NRG1: variants seen among roughly 807,000 people sequenced by gnomAD.
NRG1 encodes pro-neuregulin-1, membrane-bound isoform.
In NRG1, 18 loss-of-function variants were observed where a neutral mutation model predicts 63.8. That is an observed-to-expected ratio of 0.28 (90% CI 0.19 to 0.42). NRG1 has a LOEUF of 0.42. NRG1 is among the 10% of genes least tolerant of loss of function. NRG1 has a pLI of 1.00. For missense variants in NRG1, 762 were observed against 814.7 expected (o/e 0.94, Z 0.79); for synonymous variants, 302 against 301.3 (o/e 1.00, Z -0.02).
At chr8:31,783,165 A>G (rs1819852039) in intron 1 of NRG1, among the ~76,000 whole-genome samples, 1 of 152,194 alleles carries the variant, frequency 6.6e-6, no homozygotes, top group African/African-American at 2.4e-5. Flanking sequence ...GGATCAGTCC[A>G]AACAATGGTG....
chr8:31,820,877 TAGGTGTGA>T (rs1823938378), intron 1 of NRG1, among the ~76,000 whole-genome samples: 1 of 152,138 alleles, frequency 6.6e-6, no homozygotes, highest in African/African-American at 2.4e-5. Flanking sequence ...AAAATCAGGC[TAGGTGTGA>T]AACATGAGTG....
At chr8:31,854,598 T>A (rs1004852806) in intron 1 of NRG1, among the ~76,000 whole-genome samples, 109 of 152,262 alleles carry the variant, frequency 7.2e-4, no homozygotes, top group African/African-American at 2.5e-3. Flanking sequence ...GGGTTTTTTG[T>A]GTCTCTATTT....
intron 1 of NRG1, among the ~76,000 whole-genome samples, chr8:32,299,668 C>T (rs538751255): frequency 6.6e-6 from 1 of 152,236 alleles, no homozygotes; most frequent in South Asian, 2.1e-4. Context: ...GCTGGGGAGG[C>T]CTCACAATTA....
At chr8:31,978,557 T>C (rs1808569311) in intron 1 of NRG1, among the ~76,000 whole-genome samples, 4 of 152,288 alleles carry the variant, frequency 2.6e-5, no homozygotes, top group Admixed American at 2.0e-4. Flanking sequence ...CATTAATTCA[T>C]TTTGTGTGAG....
At chr8:32,260,655 G>T (rs1850260599) in intron 1 of NRG1, among the ~76,000 whole-genome samples, 1 of 152,064 alleles carries the variant, frequency 6.6e-6, no homozygotes, top group Non-Finnish European at 1.5e-5. Flanking sequence ...TCCTTCCAGG[G>T]CCCTGCCCCA....
At chr8:32,515,351 G>T (rs1207963271) in intron 1 of NRG1, among the ~76,000 whole-genome samples, 1 of 152,120 alleles carries the variant, frequency 6.6e-6, no homozygotes, top group East Asian at 1.9e-4. Flanking sequence ...TTTCTTTGAT[G>T]ATTAGTGATG....
At chr8:32,180,899 C>T (rs1191862562) in intron 1 of NRG1, among the ~76,000 whole-genome samples, 1 of 152,120 alleles carries the variant, frequency 6.6e-6, no homozygotes, top group Non-Finnish European at 1.5e-5. Flanking sequence ...AACATCTCTG[C>T]ATTTTCTCCT....
At chr8:32,274,379 C>A (rs114375880) in intron 1 of NRG1, among the ~76,000 whole-genome samples, 1 of 152,096 alleles carries the variant, frequency 6.6e-6, no homozygotes, top group Admixed American at 6.5e-5. Context: ...AGGGTAAGTA[C>A]GGGATAGGTG....
chr8:32,366,804 C>T (rs773104456), intron 1 of NRG1, among the ~76,000 whole-genome samples: 5 of 150,232 alleles, frequency 3.3e-5, no homozygotes, highest in African/African-American at 7.4e-5. Flanking sequence ...CTCCACCTCT[C>T]GGTTCAAGGG....
At chr8:32,114,433 G>A (rs1053776982) in intron 1 of NRG1, among the ~76,000 whole-genome samples, 1 of 152,060 alleles carries the variant, frequency 6.6e-6, no homozygotes, top group Non-Finnish European at 1.5e-5. Context: ...AGATAACTGT[G>A]TCTCCAGATG....
intron 1 of NRG1, among the ~76,000 whole-genome samples, chr8:31,741,611 A>G (rs1272743876): frequency 6.6e-6 from 1 of 152,056 alleles, no homozygotes. Flanking sequence ...GCCGATAAAC[A>G]TTAAAAGGTG....
chr8:32,614,584 C>G lies in NRG1; in HGVS notation c.451+20C>G, dbSNP rs201102706. The G allele has an allele frequency of 1.5e-4, 248 of 1,608,890 alleles. No homozygotes were observed. The highest frequency in any genetic ancestry group is 1.9e-4 in the Non-Finnish European group (225 of 1,176,142). On this transcript the variant is annotated intron_variant, in intron 4 of 11. Coordinates refer to ENST00000356819, the Ensembl canonical transcript of NRG1. ...CTTCAGGTAAGGAAAATAAGCCTGG[C>G]AAATTTTACTAACCAGAATGACAAC... is the stretch of plus-strand genomic sequence containing the variant.
At chr8:32,089,502 C>A (rs997417832) in intron 1 of NRG1, among the ~76,000 whole-genome samples, 1 of 152,034 alleles carries the variant, frequency 6.6e-6, no homozygotes, top group Non-Finnish European at 1.5e-5. Context: ...TTATTTCAAA[C>A]GGAAAATTTT....
At chr8:31,996,491 G>A (rs1363886729) in intron 1 of NRG1, among the ~76,000 whole-genome samples, 1 of 151,904 alleles carries the variant, frequency 6.6e-6, no homozygotes, top group Non-Finnish European at 1.5e-5. Flanking sequence ...CAACACTTTG[G>A]GAGGCTGAGA....
At position 32,473,625 on chromosome 8, in the gene NRG1, T is replaced by A. The variant is rs148867337; in HGVS notation, c.38-122203T>A. On this transcript the variant is annotated intron_variant, in intron 1 of 10. Coordinates refer to the NRG1 transcript ENST00000519301. ...AATGAGAAGTCTGACCTATGGTTTA[T>A]GATTTCCGCAGACTTAAATCAACCC... Among the ~76,000 whole-genome samples, 1,040 of 152,342 alleles carry A rather than the reference T, an allele frequency of 6.8e-3. 7 individuals carry two copies. Among genetic ancestry groups the A allele is most frequent in the South Asian group, 0.023 (112 of 4,828 alleles).
At chr8:31,977,772 T>C (rs1473655106) in intron 1 of NRG1, among the ~76,000 whole-genome samples, 2 of 152,142 alleles carry the variant, frequency 1.3e-5, no homozygotes, top group Admixed American at 1.3e-4. Flanking sequence ...GGTATCGATA[T>C]TCATCTCAAA....
At chr8:32,526,917 CTTCACTCTTCTG>C (rs776903639) in intron 1 of NRG1, among the ~76,000 whole-genome samples, 1 of 152,016 alleles carries the variant, frequency 6.6e-6, no homozygotes, top group Non-Finnish European at 1.5e-5. Flanking sequence ...ATTTGTAGCC[CTTCACTCTTCTG>C]TAATTGTACC....
At chr8:32,250,857 C>G (rs1041170595) in intron 1 of NRG1, among the ~76,000 whole-genome samples, 1 of 151,786 alleles carries the variant, frequency 6.6e-6, no homozygotes, top group Non-Finnish European at 1.5e-5. Context: ...AAAATTGAGA[C>G]AAATGATGAC....
At chr8:31,878,172 G>A (rs1448563620) in intron 1 of NRG1, among the ~76,000 whole-genome samples, 4 of 152,150 alleles carry the variant, frequency 2.6e-5, no homozygotes, top group African/African-American at 9.7e-5. Flanking sequence ...AATTATGGGT[G>A]CAGGCACCCA....
Sources: gnomAD v4.1 joint callset for allele counts (sites outside exome capture counted in the v4.1 genomes callset) on GRCh38, gnomAD v4.1.1 for gene constraint, MANE v1.5 for transcripts, NCBI Gene and HGNC (gene_info 2026-07-23, HGNC 2026-07-21) for gene names.